Variants in FAM151A observed in about 807,000 individuals in gnomAD.
FAM151A encodes family with sequence similarity 151 member A.
A neutral mutation model predicts 40.4 loss-of-function variants in FAM151A; 41 were observed. The observed-to-expected ratio is 1.01, with a 90% CI of 0.79 to 1.32. The LOEUF is 1.32. FAM151A is among the 40% of genes most tolerant of loss of function. The pLI is 0.00. For missense variants in FAM151A, 740 were observed against 740.4 expected (o/e 1.00, Z 0.01); for synonymous variants, 337 against 312.5 (o/e 1.08, Z -0.83).
At chr1:54,620,088 C>A in intron 1 of FAM151A, 81 bp from the exon 2 acceptor site, 1 of 1,470,466 alleles carries the variant, frequency 6.8e-7, no homozygotes, top group South Asian at 1.3e-5. Flanking sequence ...ATGACCCTCC[C>A]TGGGCTCCCA....
At chr1:54,611,829 G>T in intron 5 of FAM151A, 84 bp from the exon 6 acceptor site, 2 of 1,536,942 alleles carry the variant, frequency 1.3e-6, no homozygotes, top group South Asian at 1.2e-5. Context: ...CTGGATGTCA[G>T]CTGGGCGCAG....
At position 54,619,831 on chromosome 1, in the gene FAM151A, C is replaced by T. The variant is rs764448487; in HGVS notation, c.262+33G>A. On this transcript the variant is annotated intron_variant, in intron 2 of 7. Transcript: ENST00000302250. ...CCCTCTGTCTTCTCTATCCCTTGCC[C>T]TGGCCTGCCTCAGTCTTGGCAGCTG... The T allele has an allele frequency of 1.9e-6, 3 of 1,610,332 alleles. No individual in the cohort carries two copies. In the African/African-American group the frequency reaches 4.0e-5, roughly 21 times the overall value.
intron 4 of FAM151A, 52 bp from the exon 5 acceptor site, chr1:54,612,762 TCTC>T (rs1553165532): frequency 7.1e-7 from 1 of 1,405,764 alleles, no homozygotes; most frequent in Non-Finnish European, 1.0e-6. Context: ...GGCCCCTTCC[TCTC>T]CTCTGGGGTC....
rs1357470014 is a variant in FAM151A at position 54,612,487 on chromosome 1, TCTCAGATTGG to T, written c.789_798del (p.Ser263ArgfsTer5). On this transcript the variant is annotated frameshift_variant and splice_region_variant, in exon 5 of 8. Transcript: ENST00000302250. LOFTEE classifies it high-confidence loss of function. ...GGGGGTGGGTTTGGTGGTTTTCACC[TCTCAGATTGG>T]CTCAGCAGCCAGCTGAAGTGGGGCC... 6.2e-7 allele frequency: 1 copy of T among 1,612,948 alleles called. No homozygotes were observed. The highest frequency in any genetic ancestry group is 8.5e-7 in the Non-Finnish European group (1 of 1,179,238).
chr1:54,620,471 C>T (rs533932837), intron 1 of FAM151A, among the ~76,000 whole-genome samples: 6 of 152,140 alleles, frequency 3.9e-5, no homozygotes, highest in South Asian at 2.1e-4. Flanking sequence ...TTTGGGAGGC[C>T]GAGGTGGGTG....
At chr1:54,620,250 A>G (rs1192929350) in intron 1 of FAM151A, among the ~76,000 whole-genome samples, 1 of 152,240 alleles carries the variant, frequency 6.6e-6, no homozygotes, top group African/African-American at 2.4e-5. Flanking sequence ...AGAGAAGGGA[A>G]CACTTAAGGA....
Position 54,609,427 on chromosome 1 carries a change from G to A in FAM151A, c.1599C>T (p.Pro533=). Residue 533 remains proline, a synonymous_variant, in exon 8 of 8, where the codon CCC becomes CCT. Transcript: ENST00000302250. ...GAIGRLLASS[P]RATVTVEHNP... ...TGTGCTCCACTGTGACGGTGGCCCG[G>A]GGGGAGGATGCCAGCAGCCTGCCTA... The A allele has an allele frequency of 6.2e-7, 1 of 1,613,846 alleles. No individual in the cohort carries two copies. The highest frequency in any genetic ancestry group is 8.5e-7 in the Non-Finnish European group (1 of 1,180,018).
At chr1:54,622,175 C>T (rs1018690903) in intron 1 of FAM151A, among the ~76,000 whole-genome samples, 2 of 145,796 alleles carry the variant, frequency 1.4e-5, no homozygotes, top group Non-Finnish European at 3.0e-5. Context: ...ACTTGGGAGG[C>T]TGAGGTGGAA....
chr1:54,616,233 A>C, intron 2 of FAM151A, 61 bp from the exon 3 acceptor site: 21 of 1,434,698 alleles, frequency 1.5e-5, no homozygotes, highest in Non-Finnish European at 1.9e-5. Context: ...CTTCTTTCTC[A>C]TCATAAAAGC....
rs201640566 is a variant in FAM151A at position 54,609,661 on chromosome 1, G to A, written c.1365C>T (p.Pro455=). Residue 455 remains proline (P), a synonymous_variant, in exon 8 of 8, where the codon CCC becomes CCT. Transcript: ENST00000302250. ...GCAGCTCTCTGCCAGCCACATGGCCGGGGACCGAAAAACTCCCGTGGGAGA... is the reference window on the plus strand; with the variant it reads ...GCAGCTCTCTGCCAGCCACATGGCCAGGGACCGAAAAACTCCCGTGGGAGA... ...AKISHGSFSV[P]GHVAGRELLT... 6.8e-5 allele frequency: 109 copies of A among 1,613,890 alleles called. No individual in the cohort carries two copies. Among genetic ancestry groups the A allele is most frequent in the Admixed American group, 8.3e-5 (5 of 60,032 alleles).
rs758090031 is a variant in FAM151A, at chr1:54,623,277, C to G, written c.118+1G>C. 1.9e-5 allele frequency: 30 copies of G among 1,612,256 alleles called. No individual in the cohort carries two copies. Among genetic ancestry groups the G allele is most frequent in the Non-Finnish European group, 2.5e-5 (29 of 1,178,702 alleles). On this transcript the variant is annotated splice_donor_variant, in intron 1 of 7. Coordinates refer to ENST00000302250, the MANE Select transcript of FAM151A (RefSeq NM_176782.3). LOFTEE classifies it high-confidence loss of function. ...AGGATGACATGGGGGGAGGCACCTA[C>G]CTGGCCGCCGCAGGGTGATGGCAAG...
intron 3 of FAM151A, among the ~76,000 whole-genome samples, chr1:54,615,756 A>T (rs189961954): frequency 1.4e-4 from 21 of 152,308 alleles, no homozygotes; most frequent in Non-Finnish European, 2.8e-4. Context: ...CACTCTGAGC[A>T]TGCGCGGCAC....
Position 54,609,257 on chromosome 1 carries a change from C to T in FAM151A, c.*11G>A, listed in dbSNP as rs1428073419. The T allele has an allele frequency of 6.3e-7, 1 of 1,599,648 alleles. No homozygotes were observed. The highest frequency in any genetic ancestry group is 1.7e-5 in the Admixed American group (1 of 59,356). On this transcript the variant is annotated 3_prime_UTR_variant, in exon 8 of 8. Transcript: ENST00000302250. ...CGCCCTGAGGTCCGCTGGCCCACCACCCCTGGGTGCTCAGTTTCTACCAAC... is the reference window on the plus strand; with the variant it reads ...CGCCCTGAGGTCCGCTGGCCCACCATCCCTGGGTGCTCAGTTTCTACCAAC...
intron 1 of FAM151A, among the ~76,000 whole-genome samples, chr1:54,622,468 C>T (rs1361896274): frequency 6.6e-6 from 1 of 152,050 alleles, no homozygotes; most frequent in Non-Finnish European, 1.5e-5. Context: ...GTCCCAGCTA[C>T]TCCGGAGGCT....
At position 54,623,470 on chromosome 1, in the gene FAM151A, G is replaced by A; in HGVS notation, c.-75C>T. Reference sequence around the variant, plus strand: ...TGAGGCTCCCTGCAGCTGGAATCCTGTGGGAGGCAGGAGCTCCCAGCAGCA... The same window carrying A: ...TGAGGCTCCCTGCAGCTGGAATCCTATGGGAGGCAGGAGCTCCCAGCAGCA... On this transcript the variant is annotated 5_prime_UTR_variant, in exon 1 of 8. Transcript: ENST00000302250. 8.8e-7 allele frequency: 1 copy of A among 1,137,680 alleles called. No homozygotes were observed. Among genetic ancestry groups the A allele is most frequent in the African/African-American group, 1.5e-5 (1 of 65,650 alleles). 70.5% of individuals were successfully genotyped at this position (1,137,680 alleles called of 1,614,324 possible). A position where few individuals can be genotyped will look rare whatever the true frequency, so the allele number is the denominator to read the frequency against.
intron 5 of FAM151A, 106 bp downstream of exon 5, chr1:54,612,380 G>A: frequency 1.3e-6 from 1 of 768,058 alleles, no homozygotes; most frequent in Non-Finnish European, 2.2e-6. Flanking sequence ...CACTGGCAGG[G>A]GTTGGACGAA....
At chr1:54,622,049 AGAT>A (rs1187122217) in intron 1 of FAM151A, among the ~76,000 whole-genome samples, 3 of 152,046 alleles carry the variant, frequency 2.0e-5, no homozygotes, top group African/African-American at 4.8e-5. Context: ...CAAGGTGGGC[AGAT>A]CACCTGAGGT....
rs192636778 is a variant in FAM151A, at chr1:54,610,858, G to T, written c.941-303C>A. The stretch of plus-strand genomic sequence containing the variant: ...TGGCAGGAATGCTGAGTCTGATGGG[G>T]CCTCTTTGAGATGGCTTAACTGCGG... On this transcript the variant is annotated intron_variant, in intron 6 of 7. Coordinates refer to ENST00000302250, the MANE Select transcript of FAM151A (RefSeq NM_176782.3). 787 of 985,396 alleles carry T rather than the reference G, an allele frequency of 8.0e-4. 1 individual carries two copies. The African/African-American group carries it at 0.013, about 16-fold the overall frequency. 61.0% of individuals were successfully genotyped at this position (985,396 alleles called of 1,614,324 possible).
chr1:54,611,914 A>G (rs1354871689), intron 5 of FAM151A, among the ~76,000 whole-genome samples, 169 bp from the exon 6 acceptor site: 3 of 152,076 alleles, frequency 2.0e-5, no homozygotes, highest in Non-Finnish European at 2.9e-5. Context: ...GGCAGGAGCC[A>G]GAGGGAATTC....
Sources: allele counts gnomAD v4.1 joint callset (sites outside exome capture counted in the v4.1 genomes callset), GRCh38; gene constraint gnomAD v4.1.1; transcripts MANE v1.5; gene names NCBI Gene and HGNC (gene_info 2026-07-23, HGNC 2026-07-21).